ALDH1A2: variants seen among roughly 807,000 people sequenced by gnomAD.
ALDH1A2 encodes aldehyde dehydrogenase 1 family member A2, also known as retinal dehydrogenase 2.
Under a neutral mutation model 60.3 loss-of-function variants are expected in ALDH1A2, and 27 were observed. That is an observed-to-expected ratio of 0.45 (90% confidence interval 0.33 to 0.62). ALDH1A2 has a LOEUF of 0.62. Among genes scored for constraint, ALDH1A2 ranks in the 20% least tolerant of loss-of-function variants. The pLI, the probability that ALDH1A2 is intolerant of heterozygous loss-of-function variation, is 0.02. For synonymous variants in ALDH1A2, 289 were observed against 232.4 expected (o/e 1.24, Z -2.21); for missense variants, 581 against 643.8 (o/e 0.90, Z 1.06).
chr15:58,020,097 T>C (rs1464728909), intron 1 of ALDH1A2, among the ~76,000 whole-genome samples: 5 of 151,936 alleles, frequency 3.3e-5, no homozygotes, highest in African/African-American at 4.8e-5. Context: ...TCTGTTCCTG[T>C]GTTAGTTTGC....
At chr15:58,053,188 T>C (rs1896818193) in intron 1 of ALDH1A2, among the ~76,000 whole-genome samples, 1 of 152,112 alleles carries the variant, frequency 6.6e-6, no homozygotes. Context: ...TTAACAGTAA[T>C]AATAAAGTTC....
At chr15:58,021,510 T>A (rs1437096589) in intron 1 of ALDH1A2, among the ~76,000 whole-genome samples, 1 of 152,120 alleles carries the variant, frequency 6.6e-6, no homozygotes, top group Admixed American at 6.5e-5. Flanking sequence ...TTCTGGCCAC[T>A]TGAAAAGCCC....
At chr15:57,972,811 C>A (rs528396139) in intron 7 of ALDH1A2, among the ~76,000 whole-genome samples, 1 of 152,044 alleles carries the variant, frequency 6.6e-6, no homozygotes, top group African/African-American at 2.4e-5. Flanking sequence ...GAATGATTCA[C>A]GAATGGACTC....
chr15:58,007,769 G>A (rs770518277), intron 4 of ALDH1A2, among the ~76,000 whole-genome samples: 6 of 150,218 alleles, frequency 4.0e-5, no homozygotes, highest in Admixed American at 6.7e-5. Flanking sequence ...AAAGACTAAC[G>A]GACTTTCTAT....
At chr15:57,986,975 A>G (rs1414055926) in intron 7 of ALDH1A2, among the ~76,000 whole-genome samples, 1 of 152,222 alleles carries the variant, frequency 6.6e-6, no homozygotes, top group Non-Finnish European at 1.5e-5. Flanking sequence ...ATTGTAAAAT[A>G]GATGTCTACA....
chr15:58,022,941 T>C (rs759537652), intron 1 of ALDH1A2, among the ~76,000 whole-genome samples: 22 of 152,098 alleles, frequency 1.4e-4, no homozygotes, highest in Admixed American at 3.9e-4. Flanking sequence ...AAGGACAACA[T>C]GAAAAAGCGA....
At chr15:58,050,432 G>A (rs1371112966) in intron 1 of ALDH1A2, among the ~76,000 whole-genome samples, 1 of 152,064 alleles carries the variant, frequency 6.6e-6, no homozygotes, top group East Asian at 1.9e-4. Flanking sequence ...TTCAGTTTAA[G>A]TATGGGAAAT....
intron 1 of ALDH1A2, among the ~76,000 whole-genome samples, chr15:58,034,455 A>ACAT (rs1468899716): frequency 5.9e-5 from 9 of 151,794 alleles, no homozygotes; most frequent in African/African-American, 2.2e-4. Flanking sequence ...CAGTCTGTAT[A>ACAT]CATTTTCTTT....
chr15:57,984,330 GCCTTTAATA>G (rs1894624907), intron 7 of ALDH1A2, among the ~76,000 whole-genome samples: 2 of 151,900 alleles, frequency 1.3e-5, no homozygotes, highest in Admixed American at 6.5e-5. Context: ...AAAATGTAAA[GCCTTTAATA>G]CTTTGTAAAA....
chr15:58,026,607 T>C (rs1016805084), intron 1 of ALDH1A2, among the ~76,000 whole-genome samples: 3 of 152,146 alleles, frequency 2.0e-5, no homozygotes, highest in Non-Finnish European at 4.4e-5. Context: ...GGATTTCCCT[T>C]TCCTAGCCAA....
chr15:57,989,405 G>GT (rs1566939781), intron 7 of ALDH1A2, among the ~76,000 whole-genome samples: 1 of 152,094 alleles, frequency 6.6e-6, no homozygotes, highest in Non-Finnish European at 1.5e-5. Flanking sequence ...GTTTTTTAGA[G>GT]TAACATAAGG....
intron 1 of ALDH1A2, among the ~76,000 whole-genome samples, chr15:58,022,957 T>C (rs779831957): frequency 6.6e-6 from 1 of 152,110 alleles, no homozygotes; most frequent in African/African-American, 2.4e-5. Context: ...AGCGAAGAAA[T>C]ATGACACCTC....
chr15:58,064,791 T>C (rs1897130707), intron 1 of ALDH1A2, among the ~76,000 whole-genome samples: 1 of 152,090 alleles, frequency 6.6e-6, no homozygotes, highest in Non-Finnish European at 1.5e-5. Flanking sequence ...AGCAGACGCA[T>C]ATTCTTTTTT....
intron 8 of ALDH1A2, among the ~76,000 whole-genome samples, 180 bp downstream of exon 8, chr15:57,965,545 C>T (rs1184618794): frequency 6.6e-6 from 1 of 152,166 alleles, no homozygotes; most frequent in Non-Finnish European, 1.5e-5. Flanking sequence ...ACAACTGGTT[C>T]AGTCGTCAAC....
At chr15:58,013,828 A>G (rs1315031663) in intron 3 of ALDH1A2, 30 bp downstream of exon 3, 1 of 1,613,866 alleles carries the variant, frequency 6.2e-7, no homozygotes, top group South Asian at 1.1e-5. Context: ...AATGTGGGTT[A>G]AAGACTTAAT....
chr15:57,970,848 T>A (rs3784256), intron 7 of ALDH1A2, among the ~76,000 whole-genome samples: 69,658 of 152,002 alleles, frequency 0.46, 16,487 homozygotes, highest in Non-Finnish European at 0.53. Context: ...TTCCCTCTTC[T>A]CCTTTCTTAA....
At chr15:57,966,110 A>G (rs1893889204) in intron 7 of ALDH1A2, among the ~76,000 whole-genome samples, 1 of 152,232 alleles carries the variant, frequency 6.6e-6, no homozygotes, top group Admixed American at 6.5e-5. Context: ...TTCTCTAAAG[A>G]CAACTGGCAA....
chr15:58,062,663 G>C (rs546398971), intron 1 of ALDH1A2, among the ~76,000 whole-genome samples: 1 of 150,844 alleles, frequency 6.6e-6, no homozygotes, highest in East Asian at 1.9e-4. Flanking sequence ...CTTCATGTTA[G>C]TTTTCACTCC....
intron 1 of ALDH1A2, among the ~76,000 whole-genome samples, chr15:58,047,118 C>A (rs1354101268): frequency 6.6e-6 from 1 of 152,034 alleles, no homozygotes; most frequent in Non-Finnish European, 1.5e-5. Flanking sequence ...ATTGGGGAAT[C>A]TAAAGCCTGA....
Sources: allele counts gnomAD v4.1 joint callset (sites outside exome capture counted in the v4.1 genomes callset), GRCh38; gene constraint gnomAD v4.1.1; transcripts MANE v1.5; gene names NCBI Gene and HGNC (gene_info 2026-07-23, HGNC 2026-07-21).